Variants in KHDRBS2 observed in about 807,000 individuals in gnomAD.
The protein encoded by KHDRBS2 is KH domain-containing, RNA-binding, signal transduction-associated protein 2.
A neutral mutation model predicts 44.3 loss-of-function variants in KHDRBS2; 26 were observed. The ratio of observed to expected loss-of-function variants is 0.59; its 90% CI spans 0.43 to 0.81. The LOEUF (loss-of-function observed/expected upper bound fraction) is 0.81. Ranked by LOEUF, KHDRBS2 falls within the 40% of genes least tolerant of loss-of-function variation. The pLI, the probability that KHDRBS2 is intolerant of heterozygous loss-of-function variation, is 0.00. For synonymous variants in KHDRBS2, 194 were observed against 151.1 expected (o/e 1.28, Z -2.08); for missense variants, 476 against 433.1 (o/e 1.10, Z -0.88).
intron 2 of KHDRBS2, among the ~76,000 whole-genome samples, chr6:62,138,911 G>T (rs1270246653): frequency 6.6e-6 from 1 of 152,108 alleles, no homozygotes; most frequent in Admixed American, 6.5e-5. Flanking sequence ...GTGTAAAATT[G>T]GTTATTTTAA....
Position 61,986,617 on chromosome 6 carries a change from T to A in KHDRBS2, c.337-8405A>T, listed in dbSNP as rs149457105. 6.1e-3 allele frequency among the ~76,000 whole-genome samples: 923 copies of A among 152,314 alleles called. 5 individuals are homozygous for A. The highest frequency in any genetic ancestry group is 7.8e-3 in the Non-Finnish European group (533 of 68,026). On this transcript the variant is annotated intron_variant, in intron 3 of 8. Transcript: ENST00000281156. ...GTCTGGTCAGGCTGCTACTGCAAAA[T>A]ACCATAAACTGAGTGGCTTAATCAA...
At chr6:61,833,624 A>G (rs1404214437) in intron 6 of KHDRBS2, among the ~76,000 whole-genome samples, 2 of 152,222 alleles carry the variant, frequency 1.3e-5, no homozygotes, top group Non-Finnish European at 1.5e-5. Context: ...ATAGTTCTCC[A>G]TCATTCATCA....
At chr6:62,274,276 GC>G (rs1840559557) in intron 1 of KHDRBS2, among the ~76,000 whole-genome samples, 2 of 152,130 alleles carry the variant, frequency 1.3e-5, no homozygotes, top group South Asian at 4.1e-4. Flanking sequence ...TGTTGCTGTA[GC>G]TACCTGATGG....
chr6:61,737,055 C>A (rs888616149), intron 6 of KHDRBS2, among the ~76,000 whole-genome samples: 2 of 152,198 alleles, frequency 1.3e-5, no homozygotes, highest in South Asian at 2.1e-4. Context: ...GGAGACTACT[C>A]TTATCCACTG....
At chr6:62,079,029 T>C (rs1489341743) in intron 2 of KHDRBS2, among the ~76,000 whole-genome samples, 2 of 151,892 alleles carry the variant, frequency 1.3e-5, no homozygotes, top group African/African-American at 2.4e-5. Context: ...ATAATCAAGG[T>C]AGCAAAGCCC....
chr6:62,264,713 C>CAT, intron 1 of KHDRBS2, among the ~76,000 whole-genome samples: 1 of 151,856 alleles, frequency 6.6e-6, no homozygotes, highest in South Asian at 2.1e-4. Flanking sequence ...ATCATTCCGA[C>CAT]TGCCTTTCTT....
intron 1 of KHDRBS2, among the ~76,000 whole-genome samples, chr6:62,256,626 C>T (rs1341884760): frequency 6.6e-6 from 1 of 151,966 alleles, no homozygotes; most frequent in African/African-American, 2.4e-5. Flanking sequence ...CTTGGGTATG[C>T]CTTTATCAGC....
At chr6:61,678,044 C>T (rs1384682751), downstream of KHDRBS2, among the ~76,000 whole-genome samples, 4 of 151,754 alleles carry the variant, frequency 2.6e-5, no homozygotes, top group Non-Finnish European at 4.4e-5. Flanking sequence ...GGACTAGACA[C>T]AGAAGATTAA....
At chr6:61,588,799 A>C in the KHDRBS2 span, among the ~76,000 whole-genome samples, 14 of 152,092 alleles carry the variant, frequency 9.2e-5, no homozygotes, top group African/African-American at 2.4e-4. Flanking sequence ...CTCAAAAAAA[A>C]AGACTTGGAA....
intron 1 of KHDRBS2, among the ~76,000 whole-genome samples, chr6:62,240,638 ATGTGTGTGTGTATGTGTGTATGTATG>A (rs1373629808): frequency 7.8e-6 from 1 of 128,448 alleles, no homozygotes; most frequent in African/African-American, 3.0e-5. Flanking sequence ...ACACACATAT[ATGTGTGTGTGTATGTGTGTATGTATG>A]TGTGTGTGTA....
chr6:62,273,009 A>C (rs1840327489), intron 1 of KHDRBS2, among the ~76,000 whole-genome samples: 1 of 152,156 alleles, frequency 6.6e-6, no homozygotes, highest in Non-Finnish European at 1.5e-5. Context: ...CATGAGGAAA[A>C]AAAAGGGATA....
chr6:61,799,101 T>A (rs1785840382), intron 6 of KHDRBS2, among the ~76,000 whole-genome samples: 1 of 152,010 alleles, frequency 6.6e-6, no homozygotes, highest in Admixed American at 6.6e-5. Context: ...AGTCGTGAAT[T>A]ACAGTACAGT....
intron 3 of KHDRBS2, among the ~76,000 whole-genome samples, chr6:62,044,849 G>C (rs1787329515): frequency 6.6e-6 from 1 of 152,118 alleles, no homozygotes; most frequent in Non-Finnish European, 1.5e-5. Flanking sequence ...AGGATTCTGA[G>C]AGGCCTGCCT....
intron 2 of KHDRBS2, among the ~76,000 whole-genome samples, chr6:62,139,244 T>C (rs1232418020): frequency 6.6e-6 from 1 of 151,932 alleles, no homozygotes; most frequent in African/African-American, 2.4e-5. Flanking sequence ...TTAATTTGAG[T>C]TAAAAATTTT....
intron 4 of KHDRBS2, among the ~76,000 whole-genome samples, chr6:61,944,592 T>C (rs1193492718): frequency 6.6e-6 from 1 of 152,072 alleles, no homozygotes; most frequent in African/African-American, 2.4e-5. Flanking sequence ...TGATAGCAGA[T>C]CAGGGTGAGT....
chr6:62,012,108 T>C (rs1228601990), intron 3 of KHDRBS2, among the ~76,000 whole-genome samples: 1 of 152,202 alleles, frequency 6.6e-6, no homozygotes, highest in Non-Finnish European at 1.5e-5. Context: ...GACGAGTCCA[T>C]GTGGAAGTCA....
intron 2 of KHDRBS2, among the ~76,000 whole-genome samples, chr6:62,132,631 G>C (rs1584885190): frequency 6.6e-6 from 1 of 152,080 alleles, no homozygotes; most frequent in East Asian, 1.9e-4. Context: ...ATGGTTTTAG[G>C]CTGATTTAAA....
intron 1 of KHDRBS2, among the ~76,000 whole-genome samples, chr6:62,202,123 A>G (rs915204939): frequency 6.6e-6 from 1 of 152,086 alleles, no homozygotes; most frequent in African/African-American, 2.4e-5. Context: ...TATTCTGACT[A>G]TGCACTTCAA....
intron 7 of KHDRBS2, among the ~76,000 whole-genome samples, chr6:61,731,937 T>C (rs1257459602): frequency 6.6e-6 from 1 of 152,078 alleles, no homozygotes; most frequent in African/African-American, 2.4e-5. Context: ...GGTAAAACTA[T>C]GGTAACAAAA....
Sources: gnomAD v4.1 joint callset for allele counts (sites outside exome capture counted in the v4.1 genomes callset) on GRCh38, gnomAD v4.1.1 for gene constraint, MANE v1.5 for transcripts, NCBI Gene and HGNC (gene_info 2026-07-23, HGNC 2026-07-21) for gene names.